VAPB: variants seen among roughly 807,000 people sequenced by gnomAD.
The protein encoded by VAPB is vesicle-associated membrane protein-associated protein B/C.
Under a neutral mutation model 25.6 loss-of-function variants are expected in VAPB, and 7 were observed. The ratio of observed to expected loss-of-function variants is 0.27; its 90% CI spans 0.16 to 0.51. VAPB has a LOEUF of 0.51. Ranked by LOEUF, VAPB falls within the 20% of genes least tolerant of loss-of-function variation. The pLI is 0.97. For missense variants in VAPB, 266 were observed against 301.3 expected (o/e 0.88, Z 0.87); for synonymous variants, 112 against 109.2 (o/e 1.03, Z -0.16).
intron 1 of VAPB, among the ~76,000 whole-genome samples, chr20:58,393,911 C>G (rs1032200604): frequency 6.6e-6 from 1 of 152,044 alleles, no homozygotes; most frequent in African/African-American, 2.4e-5. Context: ...TTTGTACTTT[C>G]AATAGAGACA....
intron 1 of VAPB, among the ~76,000 whole-genome samples, chr20:58,412,624 T>C (rs1299309617): frequency 6.6e-6 from 1 of 150,964 alleles, no homozygotes. Flanking sequence ...TAAAAACTTC[T>C]ATCTTGCCAT....
In VAPB at chr20:58,450,244, T is replaced by C. The variant is rs1989411112; in HGVS notation, c.*6009T>C. On this transcript the variant is annotated 3_prime_UTR_variant, in exon 6 of 6. Transcript: ENST00000475243. ...ATGTTTTTCCATTGCATCTTTTATG[T>C]GAATTCAAAGGTCAGAATTTATTGT... The C allele has an allele frequency of 2.2e-6, 1 of 452,192 alleles. No homozygotes were observed. The highest frequency in any genetic ancestry group is 4.4e-6 in the Non-Finnish European group (1 of 225,502). The allele number at this position is 452,192 out of a possible 1,614,324, so 28.0% of individuals were successfully genotyped here.
At chr20:58,424,713 C>T (rs1202551881) in intron 2 of VAPB, among the ~76,000 whole-genome samples, 1 of 152,208 alleles carries the variant, frequency 6.6e-6, no homozygotes, top group Non-Finnish European at 1.5e-5. Flanking sequence ...ATATAGCAGT[C>T]CTCATCTTCC....
intron 4 of VAPB, 71 bp downstream of exon 4, chr20:58,439,096 A>G (rs1989108181): frequency 7.0e-7 from 1 of 1,434,320 alleles, no homozygotes; most frequent in Middle Eastern, 1.9e-4. Context: ...ATTTCCTGCA[A>G]AACCAAGATT....
In VAPB at chr20:58,418,227, T is replaced by TG; in HGVS notation, c.76dup (p.Val26GlyfsTer18). ...ATTCTACAGGTCCCTTCACCGATGT[T>TG]GTCACCACCAACCTAAAGCTTGGCA... On this transcript the variant is annotated frameshift_variant, in exon 2 of 6. Transcript: ENST00000475243. LOFTEE classifies it high-confidence loss of function. 1 of 1,614,158 alleles carries TG rather than the reference T, an allele frequency of 6.2e-7. No individual in the cohort carries two copies. The highest frequency in any genetic ancestry group is 8.5e-7 in the Non-Finnish European group (1 of 1,180,020).
chr20:58,448,880 G>A lies in VAPB; in HGVS notation c.*4645G>A, dbSNP rs945222106. On this transcript the variant is annotated 3_prime_UTR_variant, in exon 6 of 6. Coordinates refer to ENST00000475243, the MANE Select transcript of VAPB (RefSeq NM_004738.5). The stretch of plus-strand genomic sequence containing the variant: ...GCTTTAGAAAGAATATTGCCAGTCC[G>A]TCTCGGCAAGGAGATGATGGGAGCG... 1.5e-5 allele frequency: 7 copies of A among 453,936 alleles called. No homozygotes were observed. The highest frequency in any genetic ancestry group is 4.7e-5 in the Admixed American group (2 of 42,548). The allele number at this position is 453,936 out of a possible 1,614,324, so 28.1% of individuals were successfully genotyped here. A position where few individuals can be genotyped will look rare whatever the true frequency, so the allele number is the denominator to read the frequency against.
rs1173573687 is a variant in VAPB at position 58,444,279 on chromosome 20, A to T, written c.*44A>T. ...GGTAAATTGGATTGGTGGATCCACC[A>T]TATCATGGGATTTAAATTTATCATA... On this transcript the variant is annotated 3_prime_UTR_variant, in exon 6 of 6. Coordinates refer to ENST00000475243, the MANE Select transcript of VAPB (RefSeq NM_004738.5). The T allele has an allele frequency of 6.2e-7, 1 of 1,612,426 alleles. No individual in the cohort carries two copies. Among genetic ancestry groups the T allele is most frequent in the Non-Finnish European group, 8.5e-7 (1 of 1,178,508 alleles).
chr20:58,434,820 A>G (rs1989004973), intron 3 of VAPB, 115 bp downstream of exon 3: 1 of 673,402 alleles, frequency 1.5e-6, no homozygotes, highest in Non-Finnish European at 2.7e-6. Context: ...AAAAGGGAAT[A>G]GTTTTTTTTC....
intron 1 of VAPB, among the ~76,000 whole-genome samples, chr20:58,414,629 C>T (rs946813254): frequency 4.0e-5 from 6 of 150,072 alleles, no homozygotes; most frequent in East Asian, 2.0e-4. Flanking sequence ...AGACGATGGG[C>T]GGCCGGGCAG....
At chr20:58,422,190 TG>T (rs1435406799) in intron 2 of VAPB, among the ~76,000 whole-genome samples, 1 of 152,194 alleles carries the variant, frequency 6.6e-6, no homozygotes, top group Non-Finnish European at 1.5e-5. Context: ...TCATTTTTAT[TG>T]TAGCCCCTTC....
Position 58,418,533 on chromosome 20 carries a change from G to A in VAPB, c.211+170G>A, listed in dbSNP as rs1869030809. ...CAACCCTCCACCCCGTGATCAGAAA[G>A]CTGGGTCCCAGTCGCCTGTTTTTTT... On this transcript the variant is annotated intron_variant, in intron 2 of 5. Transcript: ENST00000475243. 1.8e-5 allele frequency among the ~76,000 whole-genome samples: 2 copies of A among 113,548 alleles called. 1 individual carries two copies. The highest frequency in any genetic ancestry group is 6.2e-4 in the South Asian group (2 of 3,224). The allele number at this position is 113,548 out of a possible 152,430, so 74.5% of individuals were successfully genotyped here. A position where few individuals can be genotyped will look rare whatever the true frequency, so the allele number is the denominator to read the frequency against.
intron 4 of VAPB, 42 bp from the exon 5 acceptor site, chr20:58,440,865 A>G (rs1236480281): frequency 1.9e-6 from 3 of 1,596,320 alleles, no homozygotes; most frequent in Non-Finnish European, 2.6e-6. Context: ...GTCCATTATT[A>G]CATGGTCGGT....
chr20:58,413,813 C>T (rs1420908033), intron 1 of VAPB, among the ~76,000 whole-genome samples: 23 of 138,284 alleles, frequency 1.7e-4, no homozygotes, highest in Admixed American at 7.6e-4. Flanking sequence ...GGCAGCTGGC[C>T]GGGCGGGGGG....
chr20:58,423,445 A>AAAAG (rs1988717051), intron 2 of VAPB, among the ~76,000 whole-genome samples: 8 of 143,782 alleles, frequency 5.6e-5, no homozygotes, highest in Non-Finnish European at 9.1e-5. Context: ...AAAAAAAAAA[A>AAAAG]AAAAGAAAAG....
intron 1 of VAPB, among the ~76,000 whole-genome samples, chr20:58,413,358 G>A (rs1479012734): frequency 6.6e-6 from 1 of 151,712 alleles, no homozygotes; most frequent in Non-Finnish European, 1.5e-5. Context: ...CTCTTAACGA[G>A]CATGCTGCCT....
In VAPB at chr20:58,389,387, G is replaced by A. The variant is rs770413293; in HGVS notation, c.-73G>A. ...CCTTTTTGTAAAACTTAAAGCGGGC[G>A]CAGCATTAACGCTTCCCGCCCCGGT... is the stretch of plus-strand genomic sequence containing the variant. On this transcript the variant is annotated 5_prime_UTR_variant, in exon 1 of 6. Transcript: ENST00000475243. The A allele has an allele frequency of 7.3e-6, 11 of 1,508,524 alleles. No homozygotes were observed. In the South Asian group the frequency reaches 1.1e-4, roughly 15 times the overall value. 93.4% of individuals were successfully genotyped at this position (1,508,524 alleles called of 1,614,324 possible). A position where few individuals can be genotyped will look rare whatever the true frequency, so the allele number is the denominator to read the frequency against.
chr20:58,439,002 T>A lies in VAPB; in HGVS notation c.373T>A (p.Leu125Met), dbSNP rs755094802. The change falls in exon 4 of 6, where the codon TTG (leucine) becomes ATG (methionine). Residue 125 changes from leucine to methionine, a missense_variant. By Grantham distance (15) the Leu-to-Met change is conservative. Coordinates refer to ENST00000475243, the MANE Select transcript of VAPB (RefSeq NM_004738.5). ...TTCAAAACTTAGATGTGTGTTTGAA[T>A]TGCCAGCAGAGAATGATAAACCAGT... The part of the protein sequence containing the change: ...MDSKLRCVFE[L>M]PAENDKPHDV... 8.7e-6 allele frequency: 14 copies of A among 1,613,808 alleles called. No individual in the cohort carries two copies. Among genetic ancestry groups the A allele is most frequent in the Admixed American group, 3.3e-5 (2 of 60,006 alleles).
At chr20:58,421,292 TC>T (rs1440027226) in intron 2 of VAPB, among the ~76,000 whole-genome samples, 1 of 152,226 alleles carries the variant, frequency 6.6e-6, no homozygotes, top group Non-Finnish European at 1.5e-5. Context: ...ATTTGTACGT[TC>T]GTTGTTCTTC....
At chr20:58,389,915 G>A (rs1987748437) in intron 1 of VAPB, among the ~76,000 whole-genome samples, 1 of 152,244 alleles carries the variant, frequency 6.6e-6, no homozygotes, top group Non-Finnish European at 1.5e-5. Flanking sequence ...CAGCTGCTCA[G>A]AGAGGCCTGC....
Sources: gnomAD v4.1 joint callset for allele counts (sites outside exome capture counted in the v4.1 genomes callset) on GRCh38, gnomAD v4.1.1 for gene constraint, MANE v1.5 for transcripts, NCBI Gene and HGNC (gene_info 2026-07-23, HGNC 2026-07-21) for gene names.